The following LINGO2 variants were observed in gnomAD, a reference collection of about 807,000 sequenced individuals.
The protein encoded by LINGO2 is leucine rich repeat and Ig domain containing 2.
In LINGO2, 14 loss-of-function variants were observed where a neutral mutation model predicts 30.6. The ratio of observed to expected loss-of-function variants is 0.46; its 90% CI spans 0.30 to 0.72. The LOEUF is 0.72. Among genes scored for constraint, LINGO2 ranks in the 30% least tolerant of loss-of-function variants. The probability of loss-of-function intolerance (pLI) is 0.07; values close to 1 mark genes in which losing one functional copy is unlikely to be tolerated. For missense variants in LINGO2, 729 were observed against 751.7 expected, an observed-to-expected ratio of 0.97 and a Z score of 0.35; for synonymous variants, 317 against 288.5, an observed-to-expected ratio of 1.10 and a Z score of -1.00.
In LINGO2 at chr9:28,027,762, T is replaced by A. The variant is rs73643232; in HGVS notation, c.-86-15357A>T. ...AAACACGTCATGTCTGCTTAGTAGA[T>A]AAGAGCTATCATTCTAGCCCTGGCC... On this transcript the variant is annotated intron_variant, in intron 4 of 5. Transcript: ENST00000379992. Among the ~76,000 whole-genome samples the A allele has an allele frequency of 6.8e-3, 1,041 of 152,320 alleles. 6 individuals carry two copies. The highest frequency in any genetic ancestry group is 0.023 in the African/African-American group (973 of 41,574).
chr9:28,714,188 T>TATATATATATATACACACAC, the LINGO2 span, among the ~76,000 whole-genome samples: 5 of 73,366 alleles, frequency 6.8e-5, no homozygotes, highest in Admixed American at 4.9e-4. Flanking sequence ...TATATATATA[T>TATATATATATATACACACAC]ACACACATAC....
At chr9:28,202,079 A>T (rs1820256630) in intron 4 of LINGO2, among the ~76,000 whole-genome samples, 1 of 151,948 alleles carries the variant, frequency 6.6e-6, no homozygotes, top group Non-Finnish European at 1.5e-5. Flanking sequence ...TTCACGTGGC[A>T]TTTTTTCTGT....
At chr9:28,714,591 G>A in the LINGO2 span, among the ~76,000 whole-genome samples, 63 of 152,056 alleles carry the variant, frequency 4.1e-4, 1 homozygote, top group Non-Finnish European at 6.5e-4. Context: ...TACTATTAAC[G>A]GCAGTCATTT....
chr9:28,591,506 A>C (rs1186832531), intron 1 of LINGO2, among the ~76,000 whole-genome samples: 1 of 151,988 alleles, frequency 6.6e-6, no homozygotes, highest in Non-Finnish European at 1.5e-5. Context: ...GTCTTCCAGA[A>C]AGTTCTGGTC....
At chr9:28,462,029 T>C in intron 2 of LINGO2, among the ~76,000 whole-genome samples, 1 of 152,110 alleles carries the variant, frequency 6.6e-6, no homozygotes, top group East Asian at 1.9e-4. Context: ...CTGTCTCCTT[T>C]CAAAATCTGT....
intron 4 of LINGO2, among the ~76,000 whole-genome samples, chr9:28,133,401 A>T (rs1317444192): frequency 1.3e-5 from 2 of 152,160 alleles, no homozygotes; most frequent in African/African-American, 4.8e-5. Context: ...TTGGGATCCT[A>T]TTAGACATTC....
chr9:28,894,157 G>A, the LINGO2 span, among the ~76,000 whole-genome samples: 1 of 152,014 alleles, frequency 6.6e-6, no homozygotes, highest in Non-Finnish European at 1.5e-5. Flanking sequence ...ATCATTGTTG[G>A]ACATTTGGGT....
chr9:28,189,038 G>A (rs971034057), intron 4 of LINGO2, among the ~76,000 whole-genome samples: 4 of 109,212 alleles, frequency 3.7e-5, no homozygotes, highest in Non-Finnish European at 7.8e-5. Context: ...CTGGGCAGCT[G>A]TTGGAGGATA....
rs556661255 is a variant in LINGO2 at position 28,032,474 on chromosome 9, T to A, written c.-86-20069A>T. On this transcript the variant is annotated intron_variant, in intron 4 of 5. Coordinates refer to ENST00000379992, the Ensembl canonical transcript of LINGO2. ...GCTCATGCCTTATGATTCCAGGCAA[T>A]CAATGGTGAATCTAGTTACAGCTTA... 3.7e-4 allele frequency among the ~76,000 whole-genome samples: 57 copies of A among 152,286 alleles called. 1 individual carries two copies. The South Asian group carries it at 0.011, about 30-fold the overall frequency.
At chr9:28,822,167 G>C in the LINGO2 span, among the ~76,000 whole-genome samples, 1 of 152,090 alleles carries the variant, frequency 6.6e-6, no homozygotes, top group African/African-American at 2.4e-5. Flanking sequence ...GGGGAAAAGA[G>C]AAGAATCTCA....
At chr9:28,560,999 G>C (rs1481637208) in intron 1 of LINGO2, among the ~76,000 whole-genome samples, 1 of 151,966 alleles carries the variant, frequency 6.6e-6, no homozygotes, top group African/African-American at 2.4e-5. Context: ...AAACATATAA[G>C]TTTTGTGTAA....
chr9:29,060,228 T>C, the LINGO2 span, among the ~76,000 whole-genome samples: 1 of 151,876 alleles, frequency 6.6e-6, no homozygotes, highest in Admixed American at 6.6e-5. Context: ...GGCAAAGGAT[T>C]CAGGAAAATG....
intron 4 of LINGO2, among the ~76,000 whole-genome samples, chr9:28,267,495 C>A (rs1365112816): frequency 3.9e-5 from 6 of 151,998 alleles, no homozygotes; most frequent in Admixed American, 3.9e-4. Flanking sequence ...TAGTAACATT[C>A]CTCCTGTACT....
chr9:28,229,193 C>T (rs1821272530), intron 4 of LINGO2, among the ~76,000 whole-genome samples: 1 of 151,670 alleles, frequency 6.6e-6, no homozygotes, highest in Admixed American at 6.6e-5. Context: ...ATGCAAAATT[C>T]CTCCTCTTAT....
chr9:28,601,652 G>A (rs973586871), intron 1 of LINGO2, among the ~76,000 whole-genome samples: 2 of 151,860 alleles, frequency 1.3e-5, no homozygotes, highest in African/African-American at 2.4e-5. Context: ...TTTCACATTC[G>A]TTAGCACCTC....
chr9:28,754,980 T>C, the LINGO2 span, among the ~76,000 whole-genome samples: 1 of 152,034 alleles, frequency 6.6e-6, no homozygotes, highest in Non-Finnish European at 1.5e-5. Flanking sequence ...ACAGAATTGC[T>C]TTGATAGAAA....
At chr9:29,080,827 G>A in the LINGO2 span, among the ~76,000 whole-genome samples, 1 of 152,068 alleles carries the variant, frequency 6.6e-6, no homozygotes, top group Non-Finnish European at 1.5e-5. Flanking sequence ...TATAATTTCT[G>A]TTCTTTTACA....
chr9:28,382,810 A>C (rs946085000), intron 2 of LINGO2, among the ~76,000 whole-genome samples: 1 of 152,120 alleles, frequency 6.6e-6, no homozygotes, highest in Non-Finnish European at 1.5e-5. Context: ...AAATGGGGAT[A>C]GTAATAAATA....
intron 5 of LINGO2, among the ~76,000 whole-genome samples, chr9:27,962,774 CA>C (rs1445334073): frequency 6.6e-6 from 1 of 152,032 alleles, no homozygotes; most frequent in African/African-American, 2.4e-5. Context: ...CGACTGTGAC[CA>C]AGGTTTGACA....
Sources: gnomAD v4.1 joint callset for allele counts (sites outside exome capture counted in the v4.1 genomes callset) on GRCh38, gnomAD v4.1.1 for gene constraint, MANE v1.5 for transcripts, NCBI Gene and HGNC (gene_info 2026-07-23, HGNC 2026-07-21) for gene names.